Variants in ZNF718 observed in about 807,000 individuals in gnomAD.
The protein encoded by ZNF718 is zinc finger protein 718.
A neutral mutation model predicts 2.6 loss-of-function variants in ZNF718; 3 were observed. That is an observed-to-expected ratio of 1.16 (90% CI 0.53 to 3.01). The LOEUF (loss-of-function observed/expected upper bound fraction) is 3.01. ZNF718 is among the 30% of genes most tolerant of loss of function. The pLI is 0.03. For synonymous variants in ZNF718, 135 were observed against 77.9 expected, an observed-to-expected ratio of 1.73 and a Z score of -3.86; for missense variants, 468 against 230.0, an observed-to-expected ratio of 2.03 and a Z score of -6.69.
intron 1 of ZNF718, among the ~76,000 whole-genome samples, chr4:127,078 C>T (rs1380990008): frequency 6.6e-6 from 1 of 151,970 alleles, no homozygotes; most frequent in East Asian, 1.9e-4. Flanking sequence ...CCGGCCTTGG[C>T]CTCCCAAAGT....
chr4:170,683 T>A (rs190669631), intron 3 of ZNF718, among the ~76,000 whole-genome samples: 20 of 152,326 alleles, frequency 1.3e-4, no homozygotes, highest in Non-Finnish European at 2.6e-4. Context: ...TCTCATGCCT[T>A]GGTTTTCAGC....
In ZNF718 at chr4:189,058, TA is replaced by T. The variant is rs757132244; in HGVS notation, c.227-12022del. Among the ~76,000 whole-genome samples, 1,408 of 145,062 alleles carry T rather than the reference TA, an allele frequency of 9.7e-3. 54 individuals carry two copies. Among genetic ancestry groups the T allele is most frequent in the African/African-American group, 0.032 (1,211 of 38,406 alleles). On this transcript the variant is annotated intron_variant and NMD_transcript_variant, in intron 3 of 4. Coordinates refer to the ZNF718 transcript ENST00000642529. ...TGAAATTTACATTGAATCTGTAGAT[TA>T]TTTTTTTTTTTTTTTTTTGAGATGG...
chr4:157,099 CT>C (rs782592297), intron 3 of ZNF718, among the ~76,000 whole-genome samples: 3 of 58,902 alleles, frequency 5.1e-5, no homozygotes, highest in Admixed American at 2.1e-4. Flanking sequence ...TTCTTTCTTT[CT>C]TTCTTTTTTT....
At chr4:147,462 A>T (rs1253911456) in intron 3 of ZNF718, among the ~76,000 whole-genome samples, 1 of 152,192 alleles carries the variant, frequency 6.6e-6, no homozygotes, top group Non-Finnish European at 1.5e-5. Context: ...GAGCCAGGTC[A>T]TGTAACTACT....
intron 3 of ZNF718, among the ~76,000 whole-genome samples, chr4:193,643 G>C (rs1007132753): frequency 1.8e-4 from 28 of 152,246 alleles, no homozygotes; most frequent in African/African-American, 5.5e-4. Flanking sequence ...GATAGTGACA[G>C]ATCTGGAGGA....
chr4:144,916 A>G (rs1715981023), intron 3 of ZNF718, among the ~76,000 whole-genome samples: 1 of 148,958 alleles, frequency 6.7e-6, no homozygotes, highest in Non-Finnish European at 1.5e-5. Context: ...ATAAGACCCC[A>G]TCATATGCAA....
chr4:171,525 C>A (rs1230319205), intron 3 of ZNF718, among the ~76,000 whole-genome samples: 1 of 152,090 alleles, frequency 6.6e-6, no homozygotes, highest in Non-Finnish European at 1.5e-5. Context: ...TTGTTTACCC[C>A]CTCAAGCCTC....
chr4:147,002 ACT>A (rs1716096079), intron 3 of ZNF718, among the ~76,000 whole-genome samples: 1 of 151,988 alleles, frequency 6.6e-6, no homozygotes. Context: ...ACAGAGTCTC[ACT>A]CTGTTGCTCA....
At chr4:173,212 C>G (rs1717275400) in intron 3 of ZNF718, among the ~76,000 whole-genome samples, 2 of 151,468 alleles carry the variant, frequency 1.3e-5, no homozygotes, top group South Asian at 4.2e-4. Context: ...TCCGTACTTA[C>G]AGCATAATTT....
chr4:173,298 G>T (rs1553818455), intron 3 of ZNF718, among the ~76,000 whole-genome samples: 6 of 151,866 alleles, frequency 4.0e-5, no homozygotes. Context: ...AGTATACTCT[G>T]ATTTTATTAC....
intron 3 of ZNF718, among the ~76,000 whole-genome samples, chr4:196,767 G>A (rs186496097): frequency 9.1e-4 from 138 of 152,140 alleles, no homozygotes; most frequent in African/African-American, 3.1e-3. Flanking sequence ...GAAGGGTTGG[G>A]GGTTGTTAGA....
intron 1 of ZNF718, chr4:124,990 C>T: frequency 3.1e-6 from 1 of 322,146 alleles, no homozygotes; most frequent in South Asian, 3.4e-5. Context: ...AATCCCGTCC[C>T]TACTTTACCC....
intron 3 of ZNF718, among the ~76,000 whole-genome samples, chr4:185,185 A>C (rs1387460960): frequency 6.6e-6 from 1 of 152,092 alleles, no homozygotes; most frequent in Non-Finnish European, 1.5e-5. Flanking sequence ...CATCTCAGAG[A>C]TTCTGGTACA....
chr4:126,893 C>A (rs1380771685), intron 1 of ZNF718, among the ~76,000 whole-genome samples: 2 of 150,518 alleles, frequency 1.3e-5, no homozygotes, highest in African/African-American at 2.4e-5. Flanking sequence ...GTAGTGCGAT[C>A]TCGGCTCACC....
At position 170,790 on chromosome 4, in the gene ZNF718, G is replaced by A. The variant is rs1402300762; in HGVS notation, c.227-30291G>A. Among the ~76,000 whole-genome samples, 6 of 151,932 alleles carry A rather than the reference G, an allele frequency of 3.9e-5. No homozygotes were observed. The East Asian group carries it at 7.7e-4, about 20-fold the overall frequency. Reference sequence around the variant, plus strand: ...TTTTTAACTTCTTTGCCATGGGTTCGAACTTCCTCCTTTAGTTCGGAGTAG... The same window carrying A: ...TTTTTAACTTCTTTGCCATGGGTTCAAACTTCCTCCTTTAGTTCGGAGTAG... On this transcript the variant is annotated intron_variant and NMD_transcript_variant, in intron 3 of 4. Coordinates refer to the ZNF718 transcript ENST00000642529.
intron 3 of ZNF718, among the ~76,000 whole-genome samples, chr4:148,739 G>A (rs1376838990): frequency 6.6e-6 from 1 of 152,076 alleles, no homozygotes; most frequent in Non-Finnish European, 1.5e-5. Context: ...ACTGATCAGG[G>A]AAAGGGGTGG....
intron 3 of ZNF718, among the ~76,000 whole-genome samples, chr4:182,404 ATATTTATT>A (rs74441689): frequency 0.063 from 9,365 of 147,618 alleles, 364 homozygotes; most frequent in South Asian, 0.18. Context: ...ATTTTGATTT[ATATTTATT>A]TATTTATTTA....
chr4:172,067 C>T (rs1285351226), intron 3 of ZNF718, among the ~76,000 whole-genome samples: 1 of 152,164 alleles, frequency 6.6e-6, no homozygotes, highest in Non-Finnish European at 1.5e-5. Flanking sequence ...AGTCTATATT[C>T]TATATTTATT....
chr4:161,162 C>A lies in ZNF718; in HGVS notation c.477C>A (p.Asn159Lys). The A allele has an allele frequency of 2.6e-6, 2 of 761,858 alleles. No individual in the cohort carries two copies. The highest frequency in any genetic ancestry group is 4.9e-6 in the Non-Finnish European group (2 of 408,618). The allele number at this position is 761,858 out of a possible 1,614,324, so 47.2% of individuals were successfully genotyped here. ...TTTTTCATAAATTTTCAAATTCAAA[C>A]AAAGATAAGATAAGATATACTGGAG... is the stretch of plus-strand genomic sequence containing the variant. ...VKVFHKFSNS[N>K]KDKIRYTGDK... is the part of the protein sequence containing the mutation. Residue 159 changes from asparagine (N) to lysine (K), a missense_variant, in exon 4 of 4, where the codon AAC becomes AAA. By Grantham distance (94) the Asn-to-Lys change is moderately conservative (BLOSUM62 0). Transcript: ENST00000510175.
Sources: allele counts gnomAD v4.1 joint callset (sites outside exome capture counted in the v4.1 genomes callset), GRCh38; gene constraint gnomAD v4.1.1; transcripts MANE v1.5; gene names NCBI Gene and HGNC (gene_info 2026-07-23, HGNC 2026-07-21).